The following PCDHA6 variants were observed in gnomAD, a reference collection of about 807,000 sequenced individuals.
PCDHA6 encodes the protein protocadherin alpha 6.
PCDHA6 carries 55 observed loss-of-function variants against 60.3 expected under a neutral mutation model. The ratio of observed to expected loss-of-function variants is 0.91; its 90% confidence interval spans 0.73 to 1.14. The LOEUF is 1.14. Ranked by LOEUF, PCDHA6 falls within the 50% of genes most tolerant of loss-of-function variation. The pLI, the probability that PCDHA6 is intolerant of heterozygous loss-of-function variation, is 0.00. For missense variants in PCDHA6, 1,327 were observed against 1,256.5 expected, an observed-to-expected ratio of 1.06 and a Z score of -0.85; for synonymous variants, 652 against 557.9, an observed-to-expected ratio of 1.17 and a Z score of -2.38.
chr5:140,953,100 A>G (rs1343351624), intron 1 of PCDHA6, among the ~76,000 whole-genome samples: 1 of 152,162 alleles, frequency 6.6e-6, no homozygotes, highest in Admixed American at 6.5e-5. Flanking sequence ...TTGACATGAG[A>G]TTTGGGCAGG....
intron 1 of PCDHA6, chr5:140,926,614 C>A (rs2083406581): frequency 5.3e-6 from 2 of 377,642 alleles, no homozygotes; most frequent in Admixed American, 4.4e-5. Context: ...TCTCTGCACC[C>A]CTAGGCGGCG....
chr5:140,964,596 G>A (rs1368654948), intron 1 of PCDHA6, among the ~76,000 whole-genome samples: 2 of 152,104 alleles, frequency 1.3e-5, no homozygotes, highest in African/African-American at 4.8e-5. Flanking sequence ...CACTTTTCAT[G>A]ACAACTTACA....
chr5:140,869,879 C>A (rs781975601), intron 1 of PCDHA6: 2 of 1,610,194 alleles, frequency 1.2e-6, no homozygotes, highest in Non-Finnish European at 1.7e-6. Flanking sequence ...GCTAAAGAAA[C>A]TCTTGTGCTC....
At chr5:140,871,055 A>T (rs782721683) in intron 1 of PCDHA6, 9 of 1,613,326 alleles carry the variant, frequency 5.6e-6, no homozygotes, top group African/African-American at 2.7e-5. Context: ...GTACTGGTGA[A>T]GGATCACGGT....
At chr5:140,832,937 G>C (rs1470692327) in intron 1 of PCDHA6, among the ~76,000 whole-genome samples, 3 of 152,104 alleles carry the variant, frequency 2.0e-5, no homozygotes, top group Admixed American at 1.3e-4. Flanking sequence ...TGAGAAGAGA[G>C]TAACTTAAGT....
chr5:140,922,786 G>A (rs1397049612), intron 1 of PCDHA6, among the ~76,000 whole-genome samples: 2 of 152,198 alleles, frequency 1.3e-5, no homozygotes, highest in African/African-American at 4.8e-5. Context: ...AGAGAAAACT[G>A]TAGCTTTGGA....
chr5:140,884,590 C>T, intron 1 of PCDHA6: 1 of 1,614,182 alleles, frequency 6.2e-7, no homozygotes, highest in Non-Finnish European at 8.5e-7. Flanking sequence ...CCTTCAGTCC[C>T]AGCCTTCCTC....
In PCDHA6 at chr5:140,855,887, C is replaced by T. The variant is rs2043661726; in HGVS notation, c.2394+25402C>T. 3.0e-6 allele frequency: 3 copies of T among 985,500 alleles called. No individual in the cohort carries two copies. The African/African-American group carries it at 4.9e-5, about 16-fold the overall frequency. The allele number at this position is 985,500 out of a possible 1,614,324, so 61.0% of individuals were successfully genotyped here. A position where few individuals can be genotyped will look rare whatever the true frequency, so the allele number is the denominator to read the frequency against. ...TCGTCCACAAAATAGCTTTTTAGAA[C>T]AAAGGCATCAGCCAGTTTCTCAAGG... On this transcript the variant is annotated intron_variant, in intron 1 of 3. Transcript: ENST00000529310.
chr5:140,927,325 C>T, intron 1 of PCDHA6: 6 of 1,614,234 alleles, frequency 3.7e-6, no homozygotes, highest in South Asian at 1.1e-5. Context: ...CCGCTTTACT[C>T]TCCCGAATGC....
chr5:140,843,369 C>T lies in PCDHA6; in HGVS notation c.2394+12884C>T, dbSNP rs2150358449. 7 of 1,595,922 alleles carry T rather than the reference C, an allele frequency of 4.4e-6. No individual in the cohort carries two copies. Among genetic ancestry groups the T allele is most frequent in the African/African-American group, 1.3e-5 (1 of 74,440 alleles). ...GCTCCAAAAGCGTCATCGAGGCAGT[C>T]GGCTGGCGTTTTGGGTCCGGAAGCG... On this transcript the variant is annotated intron_variant, in intron 1 of 3. Transcript: ENST00000529310.
At chr5:140,861,374 T>C in intron 1 of PCDHA6, 1 of 409,110 alleles carries the variant, frequency 2.4e-6, no homozygotes, top group Middle Eastern at 9.4e-4. Context: ...CGGTCCCTAT[T>C]GCGCAGGACC....
At chr5:140,942,338 G>A (rs1554214916) in intron 1 of PCDHA6, among the ~76,000 whole-genome samples, 1 of 152,042 alleles carries the variant, frequency 6.6e-6, no homozygotes, top group African/African-American at 2.4e-5. Flanking sequence ...TGAACCAGAG[G>A]GAGGCGGAGG....
At chr5:140,870,990 G>A (rs781832962) in intron 1 of PCDHA6, 2 of 1,613,518 alleles carry the variant, frequency 1.2e-6, no homozygotes, top group South Asian at 1.1e-5. Context: ...ACACGGGCGA[G>A]ATAAGCACAA....
chr5:140,905,086 G>A (rs1454643340), intron 1 of PCDHA6, among the ~76,000 whole-genome samples: 1 of 152,056 alleles, frequency 6.6e-6, no homozygotes, highest in Non-Finnish European at 1.5e-5. Flanking sequence ...CTTTCTTTTG[G>A]GTTCTCAGTC....
At chr5:140,910,924 A>T (rs568597600) in intron 1 of PCDHA6, among the ~76,000 whole-genome samples, 1 of 152,142 alleles carries the variant, frequency 6.6e-6, no homozygotes, top group Admixed American at 6.5e-5. Flanking sequence ...GCTTATATAA[A>T]TAAGAAAGCT....
At chr5:140,867,108 C>A (rs782819699) in intron 1 of PCDHA6, 4 of 152,072 alleles carry the variant, frequency 2.6e-5, no homozygotes, top group Admixed American at 2.6e-4. Flanking sequence ...CCTAAATTAA[C>A]ATATTGTTTT....
chr5:140,951,046 TA>T (rs1414168325), intron 1 of PCDHA6, among the ~76,000 whole-genome samples: 1 of 152,138 alleles, frequency 6.6e-6, no homozygotes, highest in Non-Finnish European at 1.5e-5. Context: ...ATTATATTTT[TA>T]TTGCTAAAAT....
chr5:141,002,090 A>G (rs1554258504), intron 3 of PCDHA6, among the ~76,000 whole-genome samples: 1 of 152,254 alleles, frequency 6.6e-6, no homozygotes, highest in Non-Finnish European at 1.5e-5. Context: ...CGAGCAGTCC[A>G]GGGGCTGGGC....
intron 1 of PCDHA6, among the ~76,000 whole-genome samples, chr5:140,945,509 GTAAA>G (rs1266877059): frequency 6.6e-6 from 1 of 151,782 alleles, no homozygotes; most frequent in Non-Finnish European, 1.5e-5. Context: ...ATTGAGCAAA[GTAAA>G]TAAATAAATA....
Sources: allele counts gnomAD v4.1 joint callset (sites outside exome capture counted in the v4.1 genomes callset), GRCh38; gene constraint gnomAD v4.1.1; transcripts MANE v1.5; gene names NCBI Gene and HGNC (gene_info 2026-07-23, HGNC 2026-07-21).